Variants in CLCN5 observed in about 807,000 individuals in gnomAD.
CLCN5 encodes Cl-/H+ antiporter 5.
In CLCN5, 17 loss-of-function variants were observed where a neutral mutation model predicts 54.0. That is an observed-to-expected ratio of 0.31 (90% CI 0.22 to 0.47). The LOEUF is 0.47. Ranked by LOEUF, CLCN5 falls within the 20% of genes least tolerant of loss-of-function variation. The pLI is 1.00. For missense variants in CLCN5, 448 were observed against 646.7 expected (o/e 0.69, Z 3.33); for synonymous variants, 222 against 233.0 (o/e 0.95, Z 0.43).
At chrX:50,077,871 A>G (rs1425164724) in intron 7 of CLCN5, among the ~76,000 whole-genome samples, 2 of 99,271 alleles carry the variant, frequency 2.0e-5, no homozygotes, top group African/African-American at 3.7e-5. Flanking sequence ...ACACATATAT[A>G]TATAAAATTA....
At chrX:50,064,300 A>C (rs1188540205) in intron 4 of CLCN5, among the ~76,000 whole-genome samples, 3 of 107,853 alleles carry the variant, frequency 2.8e-5, no homozygotes, top group African/African-American at 6.8e-5. Flanking sequence ...CTGATAAGCA[A>C]CTTCAGCAAA....
At chrX:50,072,087 A>G (rs782402638) in intron 5 of CLCN5, among the ~76,000 whole-genome samples, 4 of 112,060 alleles carry the variant, frequency 3.6e-5, no homozygotes, top group Admixed American at 9.5e-5. Context: ...GTAAGCCTCA[A>G]TTTGTACTTT....
At position 49,955,860 on chromosome X, in the gene CLCN5, G is replaced by T. The variant is rs959449499; in HGVS notation, c.16+30546G>T. On this transcript the variant is annotated intron_variant, in intron 3 of 14. Transcript: ENST00000376091. Reference sequence around the variant, plus strand: ...ATATATGTTTCATCAGTTGATGGGGGCAGGGGTTGGAATAGTAAAGAGTAC... The same window carrying T: ...ATATATGTTTCATCAGTTGATGGGGTCAGGGGTTGGAATAGTAAAGAGTAC... Among the ~76,000 whole-genome samples, 7 of 111,739 alleles carry T rather than the reference G, an allele frequency of 6.3e-5. No individual in the cohort carries two copies. The East Asian group carries it at 2.0e-3, about 31-fold the overall frequency.
intron 4 of CLCN5, among the ~76,000 whole-genome samples, chrX:50,048,198 C>T (rs1339052836): frequency 8.9e-6 from 1 of 112,206 alleles, no homozygotes; most frequent in Non-Finnish European, 1.9e-5. Context: ...CCCTCGCATG[C>T]GCAGTTCACA....
intron 3 of CLCN5, among the ~76,000 whole-genome samples, chrX:50,041,048 AT>A (rs1320362270): frequency 4.5e-5 from 5 of 112,288 alleles, no homozygotes; most frequent in Non-Finnish European, 9.4e-5. Flanking sequence ...GAAATAATTC[AT>A]TTTAAGCACA....
intron 4 of CLCN5, among the ~76,000 whole-genome samples, chrX:50,053,401 T>C (rs1005546188): frequency 6.3e-5 from 7 of 111,560 alleles, no homozygotes; most frequent in Admixed American, 9.5e-5. Context: ...ATATGGTAAT[T>C]TGTGTCTCCG....
At chrX:49,943,912 T>G (rs1463276764) in intron 3 of CLCN5, among the ~76,000 whole-genome samples, 1 of 111,605 alleles carries the variant, frequency 9.0e-6, no homozygotes, top group Non-Finnish European at 1.9e-5. Context: ...ATATGAACTT[T>G]AAAGTAGTTT....
intron 3 of CLCN5, chrX:50,003,325 G>A (rs782102056): frequency 1.8e-5 from 6 of 337,480 alleles, no homozygotes; most frequent in South Asian, 1.3e-4. Flanking sequence ...TCTGTATGTG[G>A]GGTACACTGT....
At chrX:49,942,632 C>T (rs781969521) in intron 3 of CLCN5, among the ~76,000 whole-genome samples, 1 of 104,107 alleles carries the variant, frequency 9.6e-6, no homozygotes, top group East Asian at 3.2e-4. Context: ...TCAATTCCCA[C>T]CTATGAGTGA....
intron 7 of CLCN5, 144 bp downstream of exon 7, chrX:50,076,126 G>C (rs1801434617): frequency 1.7e-5 from 9 of 540,631 alleles, no homozygotes. Flanking sequence ...GCCTTTCTCT[G>C]TGGTTTAAGT....
chrX:49,981,362 CCT>C lies in CLCN5; in HGVS notation c.16+56049_16+56050del, dbSNP rs1179230027. ...TCTGATTTCATGGTTAATGCATTCC[CCT>C]GTCTCTGAGCCTTACACATGTCTTT... On this transcript the variant is annotated intron_variant, in intron 3 of 14. Coordinates refer to ENST00000376091, the MANE Select transcript of CLCN5 (RefSeq NM_001127898.4). Among the ~76,000 whole-genome samples, 20 of 111,601 alleles carry C rather than the reference CCT, an allele frequency of 1.8e-4. 1 individual carries two copies. Among genetic ancestry groups the C allele is most frequent in the African/African-American group, 3.9e-4 (12 of 30,793 alleles).
chrX:50,078,492 A>G (rs1196672901), intron 7 of CLCN5, among the ~76,000 whole-genome samples: 1 of 112,590 alleles, frequency 8.9e-6, no homozygotes, highest in Non-Finnish European at 1.9e-5. Flanking sequence ...CATAGGTACA[A>G]TCCACAGACT....
intron 3 of CLCN5, among the ~76,000 whole-genome samples, chrX:49,946,356 G>A (rs923833989): frequency 5.4e-5 from 6 of 111,191 alleles, no homozygotes; most frequent in Non-Finnish European, 1.1e-4. Context: ...CTGCAATCAA[G>A]GTGTTGGCAG....
At chrX:50,028,235 A>G (rs1931520362) in intron 3 of CLCN5, among the ~76,000 whole-genome samples, 1 of 112,044 alleles carries the variant, frequency 8.9e-6, no homozygotes, top group Admixed American at 9.5e-5. Flanking sequence ...AGGCCCTGGT[A>G]AAATAGTTTT....
chrX:49,938,062 C>T (rs1246925946), intron 3 of CLCN5, among the ~76,000 whole-genome samples: 1 of 111,253 alleles, frequency 9.0e-6, no homozygotes, highest in Non-Finnish European at 1.9e-5. Flanking sequence ...GTTCCTTCAC[C>T]CAGTTGTGGA....
chrX:50,050,483 C>T (rs1932541065), intron 4 of CLCN5: 2 of 110,907 alleles, frequency 1.8e-5, no homozygotes, highest in African/African-American at 6.6e-5. Flanking sequence ...CATCTTTTCA[C>T]GTGCTATTTG....
intron 3 of CLCN5, among the ~76,000 whole-genome samples, chrX:49,989,157 G>C: frequency 1.8e-5 from 2 of 108,535 alleles, no homozygotes; most frequent in Non-Finnish European, 3.8e-5. Context: ...ACTGCAGCCT[G>C]GAACTCCTGG....
chrX:49,954,675 C>T (rs782581430), intron 3 of CLCN5, among the ~76,000 whole-genome samples: 11 of 110,760 alleles, frequency 9.9e-5, no homozygotes, highest in African/African-American at 2.6e-4. Flanking sequence ...TACACACAGG[C>T]GGCCAAGGCT....
intron 3 of CLCN5, among the ~76,000 whole-genome samples, chrX:50,011,077 A>G (rs1930477846): frequency 8.9e-6 from 1 of 111,866 alleles, no homozygotes; most frequent in Non-Finnish European, 1.9e-5. Context: ...TGACTTGGTT[A>G]CATCCACAGA....
Sources: gnomAD v4.1 joint callset for allele counts (sites outside exome capture counted in the v4.1 genomes callset) on GRCh38, gnomAD v4.1.1 for gene constraint, MANE v1.5 for transcripts, NCBI Gene and HGNC (gene_info 2026-07-23, HGNC 2026-07-21) for gene names.